Variants in CDC42SE2 observed in about 807,000 individuals in gnomAD.
CDC42SE2 encodes the protein CDC42 small effector 2, also known as CDC42 small effector protein 2.
Under a neutral mutation model 11.5 loss-of-function variants are expected in CDC42SE2, and 3 were observed. The ratio of observed to expected loss-of-function variants is 0.26; its 90% confidence interval spans 0.12 to 0.67. The LOEUF (loss-of-function observed/expected upper bound fraction) is 0.67, where lower values mean the gene tolerates loss of function less well. CDC42SE2 is among the 30% of genes least tolerant of loss of function. The pLI, the probability that CDC42SE2 is intolerant of heterozygous loss-of-function variation, is 0.80. For missense variants in CDC42SE2, 82 were observed against 106.8 expected (o/e 0.77, Z 1.02); for synonymous variants, 33 against 34.8 (o/e 0.95, Z 0.18).
chr5:131,310,658 T>C (rs1344047842), intron 1 of CDC42SE2, among the ~76,000 whole-genome samples: 2 of 152,138 alleles, frequency 1.3e-5, no homozygotes, highest in African/African-American at 2.4e-5. Flanking sequence ...ATATTTAGGA[T>C]AGTTAGCTCT....
the CDC42SE2 span, among the ~76,000 whole-genome samples, chr5:131,229,863 T>G: frequency 0.031 from 4,691 of 152,172 alleles, 237 homozygotes; most frequent in African/African-American, 0.1. Context: ...GAGCCTGGCA[T>G]ATAGAGGTTG....
chr5:131,221,129 A>G, the CDC42SE2 span, among the ~76,000 whole-genome samples: 2 of 151,872 alleles, frequency 1.3e-5, no homozygotes, highest in African/African-American at 4.8e-5. Context: ...CATGCGAGCC[A>G]CCCGCCTTGG....
At chr5:131,233,135 G>C in the CDC42SE2 span, among the ~76,000 whole-genome samples, 1 of 151,920 alleles carries the variant, frequency 6.6e-6, no homozygotes, top group Non-Finnish European at 1.5e-5. Flanking sequence ...TCTCGTATAA[G>C]GGATAGCATA....
At chr5:131,269,846 A>G (rs1421267985) in intron 1 of CDC42SE2, among the ~76,000 whole-genome samples, 1 of 151,538 alleles carries the variant, frequency 6.6e-6, no homozygotes, top group African/African-American at 2.4e-5. Context: ...GGATCATCTG[A>G]GTTCGGGAAT....
In CDC42SE2 at chr5:131,392,342, A is replaced by T. The variant is rs1750684993; in HGVS notation, c.*1251A>T. ...AAACTTCAGCAGAATAGATATCTGC[A>T]TGCTTTATGAAGTTGTTGCTTCGGT... On this transcript the variant is annotated 3_prime_UTR_variant, in exon 5 of 5. Transcript: ENST00000505065. The T allele has an allele frequency of 6.5e-6, 1 of 152,704 alleles. No individual in the cohort carries two copies. Among genetic ancestry groups the T allele is most frequent in the African/African-American group, 2.4e-5 (1 of 41,424 alleles). 9.5% of individuals were successfully genotyped at this position (152,704 alleles called of 1,614,324 possible). A position where few individuals can be genotyped will look rare whatever the true frequency, so the allele number is the denominator to read the frequency against.
At chr5:131,265,888 T>C (rs1432816756) in intron 1 of CDC42SE2, among the ~76,000 whole-genome samples, 1 of 152,250 alleles carries the variant, frequency 6.6e-6, no homozygotes, top group Non-Finnish European at 1.5e-5. Flanking sequence ...TCTGGTCCTG[T>C]TTTCTGTAAA....
At chr5:131,332,287 G>T (rs978139773) in intron 2 of CDC42SE2, among the ~76,000 whole-genome samples, 2 of 152,182 alleles carry the variant, frequency 1.3e-5, no homozygotes, top group Non-Finnish European at 2.9e-5. Flanking sequence ...TCCCTACAAA[G>T]GACATGAACT....
intron 2 of CDC42SE2, among the ~76,000 whole-genome samples, chr5:131,318,114 T>A (rs1365543140): frequency 6.6e-6 from 1 of 151,864 alleles, no homozygotes; most frequent in East Asian, 1.9e-4. Flanking sequence ...CCAATTTATA[T>A]TTTTTGTAGA....
At chr5:131,361,107 T>TTTA (rs1039821984) in intron 3 of CDC42SE2, among the ~76,000 whole-genome samples, 2 of 142,072 alleles carry the variant, frequency 1.4e-5, no homozygotes, top group African/African-American at 5.9e-5. Flanking sequence ...ATTTATTTTA[T>TTTA]TTTATTTATT....
At chr5:131,357,980 C>A (rs1422054895) in intron 2 of CDC42SE2, among the ~76,000 whole-genome samples, 2 of 152,206 alleles carry the variant, frequency 1.3e-5, no homozygotes, top group Admixed American at 1.3e-4. Flanking sequence ...TCCAGTGACA[C>A]CACATTTAAC....
At chr5:131,385,889 C>T (rs562460866) in intron 4 of CDC42SE2, among the ~76,000 whole-genome samples, 20 of 152,166 alleles carry the variant, frequency 1.3e-4, no homozygotes, top group South Asian at 4.2e-4. Flanking sequence ...GCCTTTGTCC[C>T]GAATAAATAC....
At chr5:131,228,218 T>A in the CDC42SE2 span, among the ~76,000 whole-genome samples, 2 of 149,902 alleles carry the variant, frequency 1.3e-5, no homozygotes, top group Non-Finnish European at 3.0e-5. Context: ...AAAAAAAAAA[T>A]TATCCAGGTG....
intron 2 of CDC42SE2, among the ~76,000 whole-genome samples, chr5:131,352,142 A>G (rs537217664): frequency 6.6e-6 from 1 of 152,350 alleles, no homozygotes; most frequent in Admixed American, 6.5e-5. Flanking sequence ...GATAGTACAA[A>G]GAGTTGGTAG....
At chr5:131,328,963 C>A (rs960163363) in intron 2 of CDC42SE2, among the ~76,000 whole-genome samples, 1 of 152,204 alleles carries the variant, frequency 6.6e-6, no homozygotes, top group Non-Finnish European at 1.5e-5. Context: ...GAGGTTATCT[C>A]CTTAGATTAT....
rs1395400578 is a variant in CDC42SE2, at chr5:131,393,628, A to G, written c.*2537A>G. The G allele has an allele frequency of 2.0e-5, 3 of 152,348 alleles. No homozygotes were observed. Among genetic ancestry groups the G allele is most frequent in the Admixed American group, 2.0e-4 (3 of 15,280 alleles). The allele number at this position is 152,348 out of a possible 1,614,324, so 9.4% of individuals were successfully genotyped here. A position where few individuals can be genotyped will look rare whatever the true frequency, so the allele number is the denominator to read the frequency against. On this transcript the variant is annotated 3_prime_UTR_variant, in exon 5 of 5. Coordinates refer to ENST00000505065, the MANE Select transcript of CDC42SE2 (RefSeq NM_001375635.1). ...AGGGACATTGCTATGTGCTGTGTGC[A>G]AGCTCTTTAGAAGAGAGATTGGATT...
intron 1 of CDC42SE2, among the ~76,000 whole-genome samples, chr5:131,282,299 T>TAAA (rs1241985617): frequency 2.0e-5 from 3 of 152,218 alleles, no homozygotes; most frequent in African/African-American, 7.2e-5. Flanking sequence ...GAACTGACCA[T>TAAA]TTGAAAAGTT....
rs143489202 is a variant in CDC42SE2, at chr5:131,291,000, G to T, written c.-454-24976G>T. ...CTTAAAAATACTAGGAGAAAACATC[G>T]GTCAATATAAAAACTCTTGGGTATG... On this transcript the variant is annotated intron_variant, in intron 1 of 4. Coordinates refer to ENST00000505065, the MANE Select transcript of CDC42SE2 (RefSeq NM_001375635.1). 3.2e-3 allele frequency among the ~76,000 whole-genome samples: 492 copies of T among 152,132 alleles called. 6 individuals carry two copies. The highest frequency in any genetic ancestry group is 0.012 in the African/African-American group (483 of 41,512).
At chr5:131,311,110 T>C (rs1050124288) in intron 1 of CDC42SE2, among the ~76,000 whole-genome samples, 8 of 152,136 alleles carry the variant, frequency 5.3e-5, no homozygotes, top group Admixed American at 3.9e-4. Context: ...TAGTGCTTCC[T>C]TCAGGAGCTC....
At chr5:131,330,723 C>G (rs1023786631) in intron 2 of CDC42SE2, among the ~76,000 whole-genome samples, 1 of 151,942 alleles carries the variant, frequency 6.6e-6, no homozygotes, top group Non-Finnish European at 1.5e-5. Context: ...AAAGTACTAT[C>G]TGGGCTGGGT....
Sources: allele counts gnomAD v4.1 joint callset (sites outside exome capture counted in the v4.1 genomes callset), GRCh38; gene constraint gnomAD v4.1.1; transcripts MANE v1.5; gene names NCBI Gene and HGNC (gene_info 2026-07-23, HGNC 2026-07-21).